The following RPS6KA3 variants were observed in gnomAD, a reference collection of about 807,000 sequenced individuals.
The protein encoded by RPS6KA3 is ribosomal protein S6 kinase alpha-3.
In RPS6KA3, 4 loss-of-function variants were observed where a neutral mutation model predicts 67.2. The observed-to-expected ratio is 0.06, with a 90% CI of 0.03 to 0.14. RPS6KA3 has a LOEUF of 0.14. RPS6KA3 is among the 10% of genes least tolerant of loss of function. RPS6KA3 has a pLI of 1.00. For missense variants in RPS6KA3, 204 were observed against 559.0 expected (o/e 0.36, Z 6.40); for synonymous variants, 182 against 183.7 (o/e 0.99, Z 0.07).
intron 10 of RPS6KA3, among the ~76,000 whole-genome samples, chrX:20,177,386 T>C (rs986795998): frequency 8.9e-6 from 1 of 112,528 alleles, no homozygotes; most frequent in African/African-American, 3.2e-5. Context: ...TTTTATTACA[T>C]GTATGGCTTC....
intron 10 of RPS6KA3, among the ~76,000 whole-genome samples, chrX:20,182,690 A>AT (rs937684884): frequency 9.0e-6 from 1 of 111,691 alleles, no homozygotes; most frequent in African/African-American, 3.3e-5. Context: ...GAGTAACTAG[A>AT]TTCTTTTAAC....
At chrX:20,261,400 A>G (rs752739056) in intron 1 of RPS6KA3, among the ~76,000 whole-genome samples, 3 of 112,417 alleles carry the variant, frequency 2.7e-5, no homozygotes, top group Non-Finnish European at 5.6e-5. Context: ...AAAATATCAC[A>G]TGACCCCATA....
intron 10 of RPS6KA3, among the ~76,000 whole-genome samples, chrX:20,184,782 A>C (rs995853680): frequency 9.0e-6 from 1 of 111,503 alleles, no homozygotes; most frequent in South Asian, 3.7e-4. Flanking sequence ...TGGGTCTGTC[A>C]TAACATGAAC....
chrX:20,190,863 TACTA>T (rs1287215628), intron 7 of RPS6KA3, among the ~76,000 whole-genome samples: 79 of 111,092 alleles, frequency 7.1e-4, no homozygotes, highest in African/African-American at 2.2e-3. Flanking sequence ...TTAAATTTTG[TACTA>T]ACTTTTTTTT....
rs1196840223 is a variant in RPS6KA3 at position 20,258,287 on chromosome X, A to T, written c.69+8277T>A. 3.6e-5 allele frequency among the ~76,000 whole-genome samples: 4 copies of T among 111,823 alleles called. No homozygotes were observed. In the South Asian group the frequency reaches 1.5e-3, roughly 41 times the overall value. ...TGTACTAAACAGTGCTGATCCAGAA[A>T]TTTTTTGTGATTTTAAGTAAATCTT... On this transcript the variant is annotated intron_variant, in intron 1 of 21. Transcript: ENST00000379565.
intron 4 of RPS6KA3, among the ~76,000 whole-genome samples, chrX:20,196,794 T>C (rs971673168): frequency 3.9e-4 from 44 of 112,020 alleles, no homozygotes; most frequent in Admixed American, 1.5e-3. Flanking sequence ...TCTGATTTCA[T>C]TACCTTGCCC....
rs2067124544 is a variant in RPS6KA3 at position 20,152,802 on chromosome X, C to T, written c.*2596G>A. The stretch of plus-strand genomic sequence containing the variant: ...TTCTCCAATAAAATTGGCTGCTTGG[C>T]TAGGCAAAGAAGGCAATTATCTTCG... On this transcript the variant is annotated 3_prime_UTR_variant, in exon 22 of 22. Coordinates refer to ENST00000379565, the MANE Select transcript of RPS6KA3 (RefSeq NM_004586.3). 1 of 111,924 alleles carries T rather than the reference C, an allele frequency of 8.9e-6. No homozygotes were observed. Among genetic ancestry groups the T allele is most frequent in the Non-Finnish European group, 1.9e-5 (1 of 53,177 alleles). 9.2% of individuals were successfully genotyped at this position (111,924 alleles called of 1,213,427 possible). A position where few individuals can be genotyped will look rare whatever the true frequency, so the allele number is the denominator to read the frequency against.
At chrX:20,157,099 A>T (rs1043669949) in intron 20 of RPS6KA3, among the ~76,000 whole-genome samples, 2 of 112,185 alleles carry the variant, frequency 1.8e-5, no homozygotes, top group Non-Finnish European at 3.8e-5. Flanking sequence ...TTAGCACTGC[A>T]TATCTATCTA....
chrX:20,161,397 T>C (rs1201904961), intron 20 of RPS6KA3, among the ~76,000 whole-genome samples: 1 of 111,976 alleles, frequency 8.9e-6, no homozygotes, highest in Admixed American at 9.5e-5. Flanking sequence ...TCATGAAGAC[T>C]ACCACGGTTA....
intron 17 of RPS6KA3, 98 bp from the exon 18 acceptor site, chrX:20,165,158 G>T: frequency 3.2e-6 from 2 of 630,465 alleles, no homozygotes; most frequent in Non-Finnish European, 5.3e-6. Context: ...TTAACAAGAT[G>T]ATGAGTGCTG....
rs1357457857 is a variant in RPS6KA3 at position 20,256,573 on chromosome X, C to T, written c.69+9991G>A. 4.5e-5 allele frequency among the ~76,000 whole-genome samples: 5 copies of T among 112,026 alleles called. No individual in the cohort carries two copies. In the Admixed American group the frequency reaches 4.7e-4, roughly 11 times the overall value. On this transcript the variant is annotated intron_variant, in intron 1 of 21. Transcript: ENST00000379565. ...TAGACATTTTGTTTTATTTGTAAGA[C>T]AGCTGGTTAGAAATCTCAAATAATC...
rs752235708 is a variant in RPS6KA3, at chrX:20,163,666, TTTATTA to T, written c.1765-632_1765-627del. Among the ~76,000 whole-genome samples, 9 of 109,314 alleles carry T rather than the reference TTTATTA, an allele frequency of 8.2e-5. No homozygotes were observed. In the South Asian group the frequency reaches 2.0e-3, roughly 24 times the overall value. The allele number at this position is 109,314 out of a possible 115,157, so 94.9% of individuals were successfully genotyped here. On this transcript the variant is annotated intron_variant, in intron 18 of 21. Coordinates refer to ENST00000379565, the MANE Select transcript of RPS6KA3 (RefSeq NM_004586.3). ...AACCTGGGCAACACAGCAAGACCTC[TTTATTA>T]TTATTATTATTATTGAGACAGGGTC...
Position 20,266,642 on chromosome X carries a change from C to A in RPS6KA3, c.-10G>T. 8.8e-7 allele frequency: 1 copy of A among 1,133,942 alleles called. No homozygotes were observed. Among genetic ancestry groups the A allele is most frequent in the South Asian group, 1.9e-5 (1 of 51,451 alleles). The allele number at this position is 1,133,942 out of a possible 1,213,427, so 93.4% of individuals were successfully genotyped here. A position where few individuals can be genotyped will look rare whatever the true frequency, so the allele number is the denominator to read the frequency against. ...GCTGCGCCAGCGGCATCTTCCCCCC[C>A]GGCCCGCCGCCTTCACCGCCTCCTC... is the stretch of plus-strand genomic sequence containing the variant. On this transcript the variant is annotated 5_prime_UTR_variant, in exon 1 of 22. Transcript: ENST00000379565.
chrX:20,256,738 T>C (rs766024480), intron 1 of RPS6KA3, among the ~76,000 whole-genome samples: 3 of 111,972 alleles, frequency 2.7e-5, no homozygotes, highest in Non-Finnish European at 5.6e-5. Flanking sequence ...TTAAGCACTG[T>C]CTCTATTGTG....
Position 20,227,409 on chromosome X carries a change from T to A in RPS6KA3, c.126+7349A>T, listed in dbSNP as rs768167725. ...CAAAATAGGTCCATATCTGAAAATA[T>A]CTTGGCTGAAAATCATTTTCACTAA... On this transcript the variant is annotated intron_variant, in intron 2 of 21. Coordinates refer to ENST00000379565, the MANE Select transcript of RPS6KA3 (RefSeq NM_004586.3). Among the ~76,000 whole-genome samples the A allele has an allele frequency of 7.9e-4, 89 of 112,108 alleles. 1 individual carries two copies. The highest frequency in any genetic ancestry group is 2.8e-3 in the African/African-American group (87 of 30,888).
chrX:20,185,750 G>A (rs1243316090), intron 10 of RPS6KA3, among the ~76,000 whole-genome samples: 1 of 111,340 alleles, frequency 9.0e-6, no homozygotes, highest in Admixed American at 9.6e-5. Flanking sequence ...GAAATAATGG[G>A]CATCCTTGCC....
At position 20,194,124 on chromosome X, in the gene RPS6KA3, A is replaced by T. The variant is rs1053738578; in HGVS notation, c.486+65T>A. The T allele has an allele frequency of 4.3e-6, 3 of 705,030 alleles. No individual in the cohort carries two copies. The African/African-American group carries it at 6.4e-5, about 15-fold the overall frequency. 58.1% of individuals were successfully genotyped at this position (705,030 alleles called of 1,213,427 possible). On this transcript the variant is annotated intron_variant, in intron 6 of 21. Transcript: ENST00000379565. ...AATACAGTAAGCATAATACTGAAAC[A>T]TAACAAAGCTTTAGTTCAAACAGGA...
At chrX:20,174,460 T>C (rs1387094337) in intron 14 of RPS6KA3, among the ~76,000 whole-genome samples, 1 of 108,125 alleles carries the variant, frequency 9.2e-6, no homozygotes, top group East Asian at 2.9e-4. Context: ...GTGATTCTCT[T>C]GCCTCGGCCT....
At chrX:20,185,201 C>A (rs994680525) in intron 10 of RPS6KA3, among the ~76,000 whole-genome samples, 2 of 111,820 alleles carry the variant, frequency 1.8e-5, no homozygotes, top group Non-Finnish European at 3.8e-5. Flanking sequence ...CCTGCCTCGG[C>A]CTGCCAAAGT....
Sources: gnomAD v4.1 joint callset for allele counts (sites outside exome capture counted in the v4.1 genomes callset) on GRCh38, gnomAD v4.1.1 for gene constraint, MANE v1.5 for transcripts, NCBI Gene and HGNC (gene_info 2026-07-23, HGNC 2026-07-21) for gene names.